The following SYT14 variants were observed in gnomAD, a reference collection of about 807,000 sequenced individuals.
The protein encoded by SYT14 is synaptotagmin 14.
SYT14 carries 32 observed loss-of-function variants against 74.2 expected under a neutral mutation model. That is an observed-to-expected ratio of 0.43 (90% confidence interval 0.33 to 0.58). The LOEUF (loss-of-function observed/expected upper bound fraction) is 0.58. Ranked by LOEUF, SYT14 falls within the 20% of genes least tolerant of loss-of-function variation. The pLI is 0.05. For synonymous variants in SYT14, 298 were observed against 337.7 expected, an observed-to-expected ratio of 0.88 and a Z score of 1.29; for missense variants, 791 against 981.8, an observed-to-expected ratio of 0.81 and a Z score of 2.60.
exon 10 of SYT14, chr1:210,168,467 T>C (rs1335759911): frequency 6.6e-6 from 1 of 152,198 alleles, no homozygotes; most frequent in Middle Eastern, 3.2e-3. Flanking sequence ...CATCTTTCTG[T>C]TTATTACATT....
At chr1:210,054,127 C>A (rs541179908) in intron 5 of SYT14, among the ~76,000 whole-genome samples, 31 of 152,058 alleles carry the variant, frequency 2.0e-4, no homozygotes, top group African/African-American at 6.7e-4. Context: ...AATTATTATT[C>A]TTCCTGTGTT....
chr1:210,070,967 G>A (rs377364286), intron 5 of SYT14, among the ~76,000 whole-genome samples: 1 of 87,942 alleles, frequency 1.1e-5, no homozygotes, highest in Non-Finnish European at 1.9e-5. Context: ...TTTGTGATGA[G>A]GAAAAACAGA....
At chr1:210,071,742 A>G (rs997359053) in intron 5 of SYT14, among the ~76,000 whole-genome samples, 2 of 149,474 alleles carry the variant, frequency 1.3e-5, no homozygotes, top group Admixed American at 6.7e-5. Context: ...TAGGGGTAGA[A>G]TGAGATGATT....
chr1:210,169,221 G>GTTTTGTTTTTTTTTTTTTTTTT (rs2083492384), exon 10 of SYT14: 2 of 50,248 alleles, frequency 4.0e-5, no homozygotes, highest in Non-Finnish European at 3.8e-5. Flanking sequence ...TGTTTTTGGT[G>GTTTTGTTTTTTTTTTTTTTTTT]TTTTTTTTTT....
chr1:210,128,590 A>C (rs1046614374), intron 7 of SYT14, among the ~76,000 whole-genome samples: 8 of 152,212 alleles, frequency 5.3e-5, no homozygotes, highest in Non-Finnish European at 1.2e-4. Context: ...CAATATTTAA[A>C]ATGCAAAATT....
chr1:210,168,814 C>T (rs115783497), exon 10 of SYT14: 1 of 152,076 alleles, frequency 6.6e-6, no homozygotes, highest in Non-Finnish European at 1.5e-5. Flanking sequence ...AGGGGTTGGT[C>T]CTCCTAGTGA....
rs143975201 is a variant in SYT14, at chr1:210,066,538, T to C, written c.1313-27784T>C. Among the ~76,000 whole-genome samples, 1,449 of 152,310 alleles carry C rather than the reference T, an allele frequency of 9.5e-3. 19 individuals carry two copies. The highest frequency in any genetic ancestry group is 0.013 in the Non-Finnish European group (860 of 68,022). ...CATAAATGTCTTCTTTTGAGAAGTG[T>C]CTGTTCATATCCTTCGCTCACTTTT... On this transcript the variant is annotated intron_variant, in intron 5 of 9. Coordinates refer to ENST00000637265, the Ensembl canonical transcript of SYT14.
chr1:210,016,997 G>T, exon 4 of SYT14: 8 of 1,231,816 alleles, frequency 6.5e-6, no homozygotes, highest in Non-Finnish European at 8.1e-6. Context: ...ATACTGTAAA[G>T]TGAACGAAGA....
At chr1:210,011,031 T>A (rs1212164169) in intron 2 of SYT14, among the ~76,000 whole-genome samples, 1 of 152,206 alleles carries the variant, frequency 6.6e-6, no homozygotes, top group African/African-American at 2.4e-5. Flanking sequence ...TGAGCTACAT[T>A]TTCTTTCATT....
chr1:210,144,600 AT>A (rs1249061676), intron 7 of SYT14, among the ~76,000 whole-genome samples: 2 of 152,058 alleles, frequency 1.3e-5, no homozygotes, highest in African/African-American at 4.8e-5. Context: ...AATTCAATAG[AT>A]TTCACTAACC....
At chr1:209,939,089 C>G (rs2078686704) in intron 1 of SYT14, among the ~76,000 whole-genome samples, 1 of 152,090 alleles carries the variant, frequency 6.6e-6, no homozygotes, top group Admixed American at 6.5e-5. Flanking sequence ...TCTCTTGTTC[C>G]AGAAACATGT....
intron 2 of SYT14, among the ~76,000 whole-genome samples, chr1:210,010,956 G>T (rs1013261219): frequency 6.6e-6 from 1 of 152,160 alleles, no homozygotes; most frequent in African/African-American, 2.4e-5. Context: ...AGTGAGTGGT[G>T]TATAGTATCT....
chr1:210,112,558 C>T (rs886171174), intron 7 of SYT14, among the ~76,000 whole-genome samples: 1 of 150,960 alleles, frequency 6.6e-6, no homozygotes, highest in Non-Finnish European at 1.5e-5. Context: ...TGGGAGTGAC[C>T]GATGAGAAGG....
At chr1:210,151,391 G>A (rs1053493780) in intron 7 of SYT14, among the ~76,000 whole-genome samples, 1 of 152,004 alleles carries the variant, frequency 6.6e-6, no homozygotes, top group African/African-American at 2.4e-5. Context: ...TTTAATTTGA[G>A]GTTGTTTGTT....
intron 1 of SYT14, among the ~76,000 whole-genome samples, chr1:209,952,061 G>A (rs1572058182): frequency 2.6e-5 from 4 of 152,054 alleles, no homozygotes; most frequent in Admixed American, 2.6e-4. Flanking sequence ...TAGCAACTCG[G>A]GTGCTTACTT....
chr1:210,020,259 C>T (rs1441640907), intron 4 of SYT14, among the ~76,000 whole-genome samples: 1 of 152,040 alleles, frequency 6.6e-6, no homozygotes, highest in East Asian at 1.9e-4. Flanking sequence ...TGAATAGATA[C>T]ATCATAATTT....
intron 5 of SYT14, among the ~76,000 whole-genome samples, chr1:210,053,648 C>T (rs1293682622): frequency 1.3e-5 from 2 of 152,114 alleles, no homozygotes; most frequent in South Asian, 2.1e-4. Context: ...GTAACAATTC[C>T]TAGCATTCAT....
chr1:210,044,043 C>T (rs1482384115), intron 5 of SYT14, among the ~76,000 whole-genome samples: 1 of 152,082 alleles, frequency 6.6e-6, no homozygotes, highest in African/African-American at 2.4e-5. Flanking sequence ...TAGGAACTAT[C>T]TTTTAATTTC....
intron 5 of SYT14, among the ~76,000 whole-genome samples, chr1:210,061,986 G>T (rs2081215062): frequency 6.6e-6 from 1 of 151,590 alleles, no homozygotes; most frequent in Non-Finnish European, 1.5e-5. Flanking sequence ...CTATTATACA[G>T]TGGCTTTGCA....
Sources: gnomAD v4.1 joint callset for allele counts (sites outside exome capture counted in the v4.1 genomes callset) on GRCh38, gnomAD v4.1.1 for gene constraint, MANE v1.5 for transcripts, NCBI Gene and HGNC (gene_info 2026-07-23, HGNC 2026-07-21) for gene names.